Variants in MAML2 observed in about 807,000 individuals in gnomAD.
MAML2 encodes mastermind-like protein 2.
In MAML2, 22 loss-of-function variants were observed where a neutral mutation model predicts 96.1. The observed-to-expected ratio is 0.23, with a 90% CI of 0.16 to 0.33. The LOEUF (loss-of-function observed/expected upper bound fraction) is 0.33. Among genes scored for constraint, MAML2 ranks in the 10% least tolerant of loss-of-function variants. The probability of loss-of-function intolerance (pLI) is 1.00; values close to 1 mark genes in which losing one functional copy is unlikely to be tolerated. For synonymous variants in MAML2, 561 were observed against 521.3 expected, an observed-to-expected ratio of 1.08 and a Z score of -1.04; for missense variants, 1,367 against 1,392.4, an observed-to-expected ratio of 0.98 and a Z score of 0.29.
chr11:96,068,437 T>C (rs1859278375), intron 2 of MAML2, among the ~76,000 whole-genome samples: 1 of 9,024 alleles, frequency 1.1e-4, no homozygotes, highest in Non-Finnish European at 2.7e-4. Context: ...GGGAGCTTAC[T>C]TCACACACAC....
Position 96,342,244 on chromosome 11 carries a change from C to A in MAML2, c.-349G>T. The A allele has an allele frequency of 2.2e-6, 1 of 448,694 alleles. No individual in the cohort carries two copies. Among genetic ancestry groups the A allele is most frequent in the Non-Finnish European group, 3.9e-6 (1 of 254,520 alleles). 27.8% of individuals were successfully genotyped at this position (448,694 alleles called of 1,614,324 possible). ...AGAGCCACTAGGTACTTTGTAAACA[C>A]ACGATCTGGGGGTTAGATCAAGAAT... On this transcript the variant is annotated 5_prime_UTR_variant, in exon 1 of 5. Coordinates refer to ENST00000524717, the MANE Select transcript of MAML2 (RefSeq NM_032427.4).
intron 1 of MAML2, among the ~76,000 whole-genome samples, chr11:96,317,754 C>G (rs1863650652): frequency 6.6e-6 from 1 of 152,212 alleles, no homozygotes; most frequent in Admixed American, 6.5e-5. Context: ...CTTCCTAGCT[C>G]AGGTGCCAAG....
intron 2 of MAML2, among the ~76,000 whole-genome samples, chr11:96,005,544 G>A (rs1858166276): frequency 2.6e-5 from 4 of 152,264 alleles, no homozygotes; most frequent in South Asian, 2.1e-4. Context: ...AACAAGAGAT[G>A]CAAAGATTTT....
At chr11:96,203,961 AG>A (rs746655242) in intron 1 of MAML2, among the ~76,000 whole-genome samples, 4 of 152,200 alleles carry the variant, frequency 2.6e-5, no homozygotes, top group Non-Finnish European at 4.4e-5. Context: ...TAATTCATGA[AG>A]GGGTTAAGGA....
At chr11:96,056,027 C>A (rs1249599551) in intron 2 of MAML2, among the ~76,000 whole-genome samples, 2 of 152,142 alleles carry the variant, frequency 1.3e-5, no homozygotes, top group Non-Finnish European at 2.9e-5. Flanking sequence ...GTGGCCATGA[C>A]AAAAGCAATG....
At chr11:95,995,411 T>A (rs1333723076) in intron 2 of MAML2, among the ~76,000 whole-genome samples, 1 of 152,194 alleles carries the variant, frequency 6.6e-6, no homozygotes, top group Non-Finnish European at 1.5e-5. Context: ...TGGTTTTTAT[T>A]CTTTTAACAT....
At chr11:96,291,281 T>C (rs1242145633) in intron 1 of MAML2, among the ~76,000 whole-genome samples, 2 of 151,632 alleles carry the variant, frequency 1.3e-5, no homozygotes, top group African/African-American at 4.8e-5. Flanking sequence ...ACCCACCACC[T>C]CACCCGGCTA....
At chr11:96,049,461 T>C (rs1380429265) in intron 2 of MAML2, among the ~76,000 whole-genome samples, 12 of 152,258 alleles carry the variant, frequency 7.9e-5, no homozygotes, top group Admixed American at 7.9e-4. Context: ...CCAGTGTGTT[T>C]ATAGATTGGC....
intron 1 of MAML2, among the ~76,000 whole-genome samples, chr11:96,119,073 C>T (rs1168235065): frequency 6.6e-6 from 1 of 152,024 alleles, no homozygotes; most frequent in East Asian, 1.9e-4. Flanking sequence ...CTCATAATAG[C>T]CCTGTGAGGT....
rs1857914622 is a variant in MAML2 at position 95,991,663 on chromosome 11, T to C, written c.2200A>G (p.Asn734Asp). 6.2e-7 allele frequency: 1 copy of C among 1,613,772 alleles called. No individual in the cohort carries two copies. The highest frequency in any genetic ancestry group is 1.1e-5 in the South Asian group (1 of 91,082). The change falls in exon 3 of 5, where the codon AAT (asparagine) becomes GAT (aspartate). Residue 734 changes from asparagine to aspartate, a missense_variant. Physicochemically the swap from Asn to Asp is conservative, Grantham distance 23. Coordinates refer to ENST00000524717, the MANE Select transcript of MAML2 (RefSeq NM_032427.4). ...ATGTAACCACTTCCAGTGTTTGGAT[T>C]TGAGCAGGGGTTAGGACTTGGACTG... ...GPSPSPNPCS[N>D]PNTGSGYMNS...
intron 1 of MAML2, among the ~76,000 whole-genome samples, chr11:96,139,101 T>C (rs552898460): frequency 2.6e-5 from 4 of 152,270 alleles, no homozygotes; most frequent in Admixed American, 2.0e-4. Flanking sequence ...CCTTTTTCCA[T>C]ATATATATTG....
intron 1 of MAML2, among the ~76,000 whole-genome samples, chr11:96,186,727 G>C (rs541293113): frequency 6.6e-6 from 1 of 152,212 alleles, no homozygotes; most frequent in Non-Finnish European, 1.5e-5. Context: ...TCATTTTACA[G>C]ATGAGAAACC....
At chr11:96,225,289 A>G (rs760136856) in intron 1 of MAML2, among the ~76,000 whole-genome samples, 34 of 152,192 alleles carry the variant, frequency 2.2e-4, no homozygotes, top group Non-Finnish European at 4.0e-4. Flanking sequence ...GCCAGCCACC[A>G]TGTCAGGAGG....
At chr11:96,334,417 T>C (rs1189491182) in intron 1 of MAML2, among the ~76,000 whole-genome samples, 1 of 152,224 alleles carries the variant, frequency 6.6e-6, no homozygotes, top group Non-Finnish European at 1.5e-5. Flanking sequence ...TCGAGAAAAC[T>C]GAGGCAAGGG....
In MAML2 at chr11:95,976,851, T is replaced by C. The variant is rs992192530; in HGVS notation, c.*2097A>G. 2 of 186,702 alleles carry C rather than the reference T, an allele frequency of 1.1e-5. No homozygotes were observed. The highest frequency in any genetic ancestry group is 4.7e-5 in the African/African-American group (2 of 42,748). The allele number at this position is 186,702 out of a possible 1,614,324, so 11.6% of individuals were successfully genotyped here. A position where few individuals can be genotyped will look rare whatever the true frequency, so the allele number is the denominator to read the frequency against. Reference sequence around the variant, plus strand: ...CAAAAGCGTTTATATGTACATCATTTTTTTTCTTTTTGTATGGAGAAATGC... The same window carrying C: ...CAAAAGCGTTTATATGTACATCATTCTTTTTCTTTTTGTATGGAGAAATGC... On this transcript the variant is annotated 3_prime_UTR_variant, in exon 5 of 5. Transcript: ENST00000524717.
At chr11:96,295,633 A>G (rs2135994500) in intron 1 of MAML2, among the ~76,000 whole-genome samples, 1 of 152,172 alleles carries the variant, frequency 6.6e-6, no homozygotes, top group Admixed American at 6.5e-5. Flanking sequence ...CCAACTGAGT[A>G]TTAAACTACA....
chr11:96,035,329 CTTTTAAAA>C (rs1201475858), intron 2 of MAML2, among the ~76,000 whole-genome samples: 1 of 152,168 alleles, frequency 6.6e-6, no homozygotes. Flanking sequence ...AATAGAGTGT[CTTTTAAAA>C]AAGTAGTGCG....
chr11:96,042,661 C>T (rs1371571918), intron 2 of MAML2, among the ~76,000 whole-genome samples: 1 of 152,004 alleles, frequency 6.6e-6, no homozygotes, highest in Non-Finnish European at 1.5e-5. Context: ...GCCTTTTCTC[C>T]ATCTTCCTTA....
intron 2 of MAML2, among the ~76,000 whole-genome samples, chr11:96,034,506 T>C (rs1038403948): frequency 1.3e-5 from 2 of 151,690 alleles, no homozygotes; most frequent in Admixed American, 1.3e-4. Context: ...TTTAAAAACA[T>C]TTGTTATTTA....
Sources: gnomAD v4.1 joint callset for allele counts (sites outside exome capture counted in the v4.1 genomes callset) on GRCh38, gnomAD v4.1.1 for gene constraint, MANE v1.5 for transcripts, NCBI Gene and HGNC (gene_info 2026-07-23, HGNC 2026-07-21) for gene names.